The following CSMD1 variants were observed in gnomAD, a reference collection of about 807,000 sequenced individuals.
The protein encoded by CSMD1 is CUB and sushi domain-containing protein 1.
CSMD1 carries 213 observed loss-of-function variants against 417.5 expected under a neutral mutation model. The observed-to-expected ratio is 0.51, with a 90% CI of 0.46 to 0.57. The LOEUF is 0.57. CSMD1 is among the 20% of genes least tolerant of loss of function. CSMD1 has a pLI of 0.00. For synonymous variants in CSMD1, 2,862 were observed against 1,736.8 expected, an observed-to-expected ratio of 1.65 and a Z score of -16.11; for missense variants, 6,923 against 4,529.7, an observed-to-expected ratio of 1.53 and a Z score of -15.17.
chr8:4,645,132 C>T (rs771423355), intron 1 of CSMD1, among the ~76,000 whole-genome samples: 2 of 152,160 alleles, frequency 1.3e-5, no homozygotes, highest in Non-Finnish European at 2.9e-5. Context: ...TAAATACTCC[C>T]TGCTTTATGG....
chr8:3,179,160 C>G (rs2612619), intron 37 of CSMD1, among the ~76,000 whole-genome samples: 12 of 142,716 alleles, frequency 8.4e-5, no homozygotes, highest in Non-Finnish European at 1.9e-4. Context: ...TTAGCCAGGA[C>G]TGTCTCGATC....
At chr8:3,912,586 A>G (rs1333904448) in intron 5 of CSMD1, among the ~76,000 whole-genome samples, 5 of 152,208 alleles carry the variant, frequency 3.3e-5, no homozygotes, top group Admixed American at 2.6e-4. Context: ...AAGTTGAAGC[A>G]TGATAGAAAA....
chr8:4,308,724 A>G (rs74874499), intron 3 of CSMD1, among the ~76,000 whole-genome samples: 7,129 of 152,278 alleles, frequency 0.047, 395 homozygotes, highest in East Asian at 0.26. Flanking sequence ...ATTTAGAGTA[A>G]TTTATCTGAG....
chr8:4,734,796 G>A (rs560899649), intron 1 of CSMD1, among the ~76,000 whole-genome samples: 2 of 152,072 alleles, frequency 1.3e-5, no homozygotes, highest in Non-Finnish European at 2.9e-5. Context: ...TCATTTTTAA[G>A]ACCTCTCAAG....
chr8:3,764,066 G>A (rs575015592), intron 5 of CSMD1, among the ~76,000 whole-genome samples: 2 of 152,076 alleles, frequency 1.3e-5, no homozygotes, highest in Non-Finnish European at 2.9e-5. Flanking sequence ...GAGGCCACAG[G>A]CTCTCAGATG....
In CSMD1 at chr8:4,893,082, G is replaced by A. The variant is rs547203709; in HGVS notation, c.85+101250C>T. On this transcript the variant is annotated intron_variant, in intron 1 of 69. Transcript: ENST00000635120. ...GGCTGTGTCGATTATCCCCTCCAGG[G>A]CTCGTCACTGGATATTATCTCTCTT... Among the ~76,000 whole-genome samples the A allele has an allele frequency of 2.6e-5, 4 of 152,086 alleles. No individual in the cohort carries two copies. The East Asian group carries it at 5.8e-4, about 22-fold the overall frequency.
intron 3 of CSMD1, among the ~76,000 whole-genome samples, chr8:4,122,478 A>G (rs549246465): frequency 8.9e-4 from 136 of 152,314 alleles, no homozygotes; most frequent in African/African-American, 3.2e-3. Context: ...ACTAAGAGAC[A>G]CGTAGATTAA....
chr8:4,387,790 G>A (rs910040490), intron 3 of CSMD1, among the ~76,000 whole-genome samples: 2 of 152,020 alleles, frequency 1.3e-5, no homozygotes, highest in South Asian at 2.1e-4. Context: ...TTAACAAGAC[G>A]GATTTTGAAT....
intron 1 of CSMD1, among the ~76,000 whole-genome samples, chr8:4,942,764 A>C (rs1485576972): frequency 1.3e-5 from 2 of 152,340 alleles, no homozygotes; most frequent in Middle Eastern, 3.4e-3. Flanking sequence ...GAGAAATGAC[A>C]TACACAGATG....
intron 12 of CSMD1, among the ~76,000 whole-genome samples, chr8:3,435,696 C>A (rs1005948060): frequency 6.6e-6 from 1 of 152,024 alleles, no homozygotes; most frequent in Non-Finnish European, 1.5e-5. Context: ...CCTGCCTTCA[C>A]CCAGACCTCC....
At chr8:3,277,773 T>C (rs747788977) in intron 26 of CSMD1, among the ~76,000 whole-genome samples, 8 of 152,146 alleles carry the variant, frequency 5.3e-5, no homozygotes, top group Non-Finnish European at 1.0e-4. Context: ...GGCTGGTGTT[T>C]CCTTAGGAGT....
At chr8:4,819,944 T>G (rs2117380241) in intron 1 of CSMD1, among the ~76,000 whole-genome samples, 1 of 152,314 alleles carries the variant, frequency 6.6e-6, no homozygotes, top group East Asian at 1.9e-4. Context: ...TTTTGAAATA[T>G]CTACTTATCA....
chr8:4,182,932 A>G (rs539615804), intron 3 of CSMD1, among the ~76,000 whole-genome samples: 1 of 152,158 alleles, frequency 6.6e-6, no homozygotes, highest in Non-Finnish European at 1.5e-5. Flanking sequence ...TAGAATCTCA[A>G]TTAGCAAATG....
chr8:3,118,908 C>T (rs1261643325), intron 41 of CSMD1, among the ~76,000 whole-genome samples: 7 of 152,252 alleles, frequency 4.6e-5, no homozygotes, highest in East Asian at 1.9e-4. Flanking sequence ...AGGCTGGGAG[C>T]GGTGGCTCAC....
At position 4,032,122 on chromosome 8, in the gene CSMD1, G is replaced by C. The variant is rs747138098; in HGVS notation, c.416-23C>G. On this transcript the variant is annotated intron_variant, in intron 3 of 69. Coordinates refer to ENST00000635120, the MANE Select transcript of CSMD1 (RefSeq NM_033225.6). The stretch of plus-strand genomic sequence containing the variant: ...AAACTATTGGAAAAAGAAAAGAAAG[G>C]AGAAAAAACAAGTTAAATTTTCCAT... 3.9e-6 allele frequency: 6 copies of C among 1,554,800 alleles called. No homozygotes were observed. In the African/African-American group the frequency reaches 4.1e-5, roughly 11 times the overall value.
chr8:3,171,435 C>G (rs966372435), intron 37 of CSMD1, among the ~76,000 whole-genome samples: 1 of 152,182 alleles, frequency 6.6e-6, no homozygotes, highest in African/African-American at 2.4e-5. Context: ...AAAGTCCACT[C>G]CCCTGTGTCT....
intron 5 of CSMD1, among the ~76,000 whole-genome samples, chr8:3,787,262 G>C (rs958708068): frequency 5.9e-5 from 9 of 152,124 alleles, no homozygotes; most frequent in Non-Finnish European, 1.3e-4. Context: ...AAAAACTTGT[G>C]AGTTGTGAAA....
At chr8:3,977,463 G>T (rs1397362391) in intron 5 of CSMD1, among the ~76,000 whole-genome samples, 2 of 152,018 alleles carry the variant, frequency 1.3e-5, no homozygotes, top group Non-Finnish European at 2.9e-5. Context: ...GATGGCATTG[G>T]TGCGACTTAA....
intron 8 of CSMD1, among the ~76,000 whole-genome samples, chr8:3,600,620 G>A (rs1051441362): frequency 1.3e-5 from 2 of 152,142 alleles, no homozygotes; most frequent in African/African-American, 4.8e-5. Context: ...ATTGCTGGTG[G>A]CAGTGGAAAA....
Sources: allele counts gnomAD v4.1 joint callset (sites outside exome capture counted in the v4.1 genomes callset), GRCh38; gene constraint gnomAD v4.1.1; transcripts MANE v1.5; gene names NCBI Gene and HGNC (gene_info 2026-07-23, HGNC 2026-07-21).